The following FGGY variants were observed in gnomAD, a reference collection of about 807,000 sequenced individuals.
FGGY encodes the protein FGGY carbohydrate kinase domain containing, also known as FGGY carbohydrate kinase domain-containing protein.
FGGY carries 72 observed loss-of-function variants against 71.3 expected under a neutral mutation model. The ratio of observed to expected loss-of-function variants is 1.01; its 90% CI spans 0.84 to 1.23. The LOEUF (loss-of-function observed/expected upper bound fraction) is 1.23, where lower values mean the gene tolerates loss of function less well. Among genes scored for constraint, FGGY ranks in the 50% most tolerant of loss-of-function variants. FGGY has a pLI of 0.00. For synonymous variants in FGGY, 251 were observed against 250.3 expected, an observed-to-expected ratio of 1.00 and a Z score of -0.02; for missense variants, 668 against 682.3, an observed-to-expected ratio of 0.98 and a Z score of 0.23.
At chr1:59,328,117 G>A (rs2047759341) in intron 2 of FGGY, among the ~76,000 whole-genome samples, 1 of 152,200 alleles carries the variant, frequency 6.6e-6, no homozygotes, top group African/African-American at 2.4e-5. Flanking sequence ...GAGCCAGCTT[G>A]TCCTTTGAAG....
chr1:59,713,685 A>G (rs2097819085), intron 14 of FGGY, among the ~76,000 whole-genome samples: 1 of 152,216 alleles, frequency 6.6e-6, no homozygotes, highest in Admixed American at 6.5e-5. Flanking sequence ...AAAGCTGACA[A>G]TTATGTTGTA....
chr1:59,400,930 G>A (rs2061882513), intron 5 of FGGY, among the ~76,000 whole-genome samples: 1 of 151,918 alleles, frequency 6.6e-6, no homozygotes, highest in South Asian at 2.1e-4. Flanking sequence ...GAGCCACCAT[G>A]CTTGGCCTCT....
chr1:59,522,409 A>G (rs1450752781), intron 7 of FGGY, among the ~76,000 whole-genome samples: 1 of 152,054 alleles, frequency 6.6e-6, no homozygotes, highest in Non-Finnish European at 1.5e-5. Flanking sequence ...TATTTTATGG[A>G]TGAGAAAGTT....
At chr1:59,730,974 A>C (rs1258228486) in intron 14 of FGGY, among the ~76,000 whole-genome samples, 1 of 152,188 alleles carries the variant, frequency 6.6e-6, no homozygotes, top group Non-Finnish European at 1.5e-5. Flanking sequence ...CAGGAAACTG[A>C]GCCTCAGACA....
chr1:59,433,747 G>A (rs766277616), intron 5 of FGGY, among the ~76,000 whole-genome samples: 32 of 152,148 alleles, frequency 2.1e-4, no homozygotes, highest in Non-Finnish European at 2.9e-4. Context: ...CTCATTCTTC[G>A]CCAGCTCCGT....
chr1:59,297,701 C>T lies in FGGY; in HGVS notation c.-15+551C>T, dbSNP rs1013168062. ...AGCCGGGCGTGGTGGCGGGCGCCTG[C>T]AGTCCCAGCTTCTCGGGAGGCTGAG... On this transcript the variant is annotated intron_variant, in intron 1 of 15. Coordinates refer to ENST00000303721, the MANE Select transcript of FGGY (RefSeq NM_018291.5). Among the ~76,000 whole-genome samples, 6 of 152,010 alleles carry T rather than the reference C, an allele frequency of 3.9e-5. No homozygotes were observed. In the East Asian group the frequency reaches 9.7e-4, roughly 25 times the overall value.
intron 5 of FGGY, among the ~76,000 whole-genome samples, chr1:59,438,758 T>C (rs1013845205): frequency 6.6e-6 from 1 of 152,206 alleles, no homozygotes; most frequent in Non-Finnish European, 1.5e-5. Context: ...AGGGGGAAAA[T>C]ATTTGGAAAT....
At chr1:59,478,480 C>A (rs1012618053) in intron 6 of FGGY, among the ~76,000 whole-genome samples, 4 of 152,136 alleles carry the variant, frequency 2.6e-5, no homozygotes, top group African/African-American at 9.7e-5. Context: ...CTGTCTGAAA[C>A]ATTTTATAAC....
At chr1:59,598,933 CT>C (rs1017896642) in intron 8 of FGGY, among the ~76,000 whole-genome samples, 2 of 152,194 alleles carry the variant, frequency 1.3e-5, no homozygotes, top group Admixed American at 6.5e-5. Flanking sequence ...GAGATGTACA[CT>C]TACAACATAT....
chr1:59,409,919 A>G (rs2063353385), intron 5 of FGGY, among the ~76,000 whole-genome samples: 1 of 152,136 alleles, frequency 6.6e-6, no homozygotes, highest in Admixed American at 6.5e-5. Flanking sequence ...TATTACCTCC[A>G]TTTTAGACAG....
In FGGY at chr1:59,664,988, T is replaced by C. The variant is rs2097310628; in HGVS notation, c.1297-2295T>C. On this transcript the variant is annotated intron_variant, in intron 12 of 15. Transcript: ENST00000303721. ...TATAGAAAGGTTAAGGTACAAGAAA[T>C]ATGTGAAATGCCTAAATGCCAGCCT... Among the ~76,000 whole-genome samples, 4 of 151,918 alleles carry C rather than the reference T, an allele frequency of 2.6e-5. No homozygotes were observed. The South Asian group carries it at 8.3e-4, about 32-fold the overall frequency.
chr1:59,399,455 A>G (rs2061686000), intron 5 of FGGY, among the ~76,000 whole-genome samples: 1 of 152,182 alleles, frequency 6.6e-6, no homozygotes, highest in South Asian at 2.1e-4. Flanking sequence ...GGTTTAGAGA[A>G]GTTAAGAAAC....
chr1:59,305,902 C>G (rs553795330), intron 1 of FGGY, among the ~76,000 whole-genome samples: 5 of 152,320 alleles, frequency 3.3e-5, no homozygotes, highest in Non-Finnish European at 7.3e-5. Flanking sequence ...GCTCTCTCCT[C>G]TCTTGCCCAA....
At chr1:59,660,342 A>G (rs773883498) in intron 12 of FGGY, 49 bp downstream of exon 12, 15 of 1,388,754 alleles carry the variant, frequency 1.1e-5, no homozygotes, top group African/African-American at 1.4e-5. Flanking sequence ...CCATCAGTAT[A>G]CTCTAGGCCA....
At chr1:59,648,611 G>T (rs2097124191) in intron 11 of FGGY, among the ~76,000 whole-genome samples, 1 of 148,990 alleles carries the variant, frequency 6.7e-6, no homozygotes, top group African/African-American at 2.6e-5. Context: ...TTTTTTTCTT[G>T]TAAATTTGGT....
At chr1:59,739,612 G>A (rs1032167866) in intron 14 of FGGY, among the ~76,000 whole-genome samples, 20 of 152,136 alleles carry the variant, frequency 1.3e-4, no homozygotes, top group Non-Finnish European at 2.8e-4. Flanking sequence ...TCTTGGGCAG[G>A]CCACATTATG....
intron 14 of FGGY, among the ~76,000 whole-genome samples, chr1:59,732,514 G>A (rs2098046036): frequency 1.3e-5 from 2 of 152,206 alleles, no homozygotes; most frequent in South Asian, 4.1e-4. Context: ...TGCAGGGAGG[G>A]CACCTCAGAG....
chr1:59,740,108 G>GTAAT lies in FGGY; in HGVS notation c.1513-17822_1513-17819dup, dbSNP rs2098135691. On this transcript the variant is annotated intron_variant, in intron 14 of 15. Coordinates refer to ENST00000303721, the MANE Select transcript of FGGY (RefSeq NM_018291.5). ...CTGTCCTCCTTCAGGCTAAGAGGTT[G>GTAAT]TAATGGCTCCTTACTGTTGGTAATC... Among the ~76,000 whole-genome samples, 3 of 152,326 alleles carry GTAAT rather than the reference G, an allele frequency of 2.0e-5. No individual in the cohort carries two copies. In the South Asian group the frequency reaches 6.2e-4, roughly 32 times the overall value.
chr1:59,364,103 A>T (rs1571027288), intron 4 of FGGY, among the ~76,000 whole-genome samples: 1 of 152,192 alleles, frequency 6.6e-6, no homozygotes, highest in Admixed American at 6.5e-5. Flanking sequence ...AAGAAGGGAC[A>T]TCTGTGTGAG....
Sources: gnomAD v4.1 joint callset for allele counts (sites outside exome capture counted in the v4.1 genomes callset) on GRCh38, gnomAD v4.1.1 for gene constraint, MANE v1.5 for transcripts, NCBI Gene and HGNC (gene_info 2026-07-23, HGNC 2026-07-21) for gene names.